ADGB: variants seen among roughly 807,000 people sequenced by gnomAD.
The protein encoded by ADGB is calpain-7-like protein.
Under a neutral mutation model 210.5 loss-of-function variants are expected in ADGB, and 172 were observed. The ratio of observed to expected loss-of-function variants is 0.82; its 90% CI spans 0.72 to 0.93. The LOEUF is 0.93. ADGB is among the 40% of genes least tolerant of loss of function. The probability of loss-of-function intolerance (pLI) is 0.00; values close to 1 mark genes in which losing one functional copy is unlikely to be tolerated. For synonymous variants in ADGB, 658 were observed against 662.7 expected (o/e 0.99, Z 0.11); for missense variants, 2,025 against 1,964.8 (o/e 1.03, Z -0.58).
chr6:146,748,173 A>T (rs1235735384), intron 26 of ADGB, among the ~76,000 whole-genome samples: 1 of 152,172 alleles, frequency 6.6e-6, no homozygotes, highest in Non-Finnish European at 1.5e-5. Context: ...TATGGAAAAA[A>T]AAACTTCACT....
intron 33 of ADGB, among the ~76,000 whole-genome samples, chr6:146,799,795 T>C (rs1778098714): frequency 6.6e-6 from 1 of 151,824 alleles, no homozygotes; most frequent in South Asian, 2.1e-4. Context: ...CGTAAAACTG[T>C]TTCTTTTGTT....
intron 35 of ADGB, chr6:146,803,243 G>T (rs1413328410): frequency 3.8e-6 from 6 of 1,574,306 alleles, no homozygotes; most frequent in Non-Finnish European, 2.6e-6. Flanking sequence ...ACAAAACTTG[G>T]ACCATTGTTT....
At chr6:146,707,182 C>G (rs1294558595) in intron 13 of ADGB, among the ~76,000 whole-genome samples, 1 of 151,914 alleles carries the variant, frequency 6.6e-6, no homozygotes, top group African/African-American at 2.4e-5. Context: ...AGACTCATTC[C>G]ATTGTGGTTA....
intron 33 of ADGB, 29 bp downstream of exon 33, chr6:146,788,639 A>T (rs752688788): frequency 6.5e-7 from 1 of 1,528,714 alleles, no homozygotes. Context: ...GGTAACATAA[A>T]CATGTATTTT....
intron 13 of ADGB, among the ~76,000 whole-genome samples, chr6:146,704,326 T>C (rs1776537033): frequency 6.6e-6 from 1 of 151,944 alleles, no homozygotes; most frequent in African/African-American, 2.4e-5. Context: ...ATTCCTTCTG[T>C]CTGTTTGCAA....
chr6:146,627,650 C>T (rs1780996829), intron 1 of ADGB, among the ~76,000 whole-genome samples: 1 of 152,004 alleles, frequency 6.6e-6, no homozygotes, highest in African/African-American at 2.4e-5. Context: ...TACTTTTTTT[C>T]CCCGGCTTTG....
At chr6:146,705,225 T>A (rs1435543290) in intron 13 of ADGB, among the ~76,000 whole-genome samples, 1 of 152,106 alleles carries the variant, frequency 6.6e-6, no homozygotes, top group African/African-American at 2.4e-5. Flanking sequence ...GATTGTATTA[T>A]CTGAAAAGAG....
At chr6:146,727,883 T>A (rs1459835096) in intron 19 of ADGB, among the ~76,000 whole-genome samples, 1 of 152,236 alleles carries the variant, frequency 6.6e-6, no homozygotes, top group Non-Finnish European at 1.5e-5. Flanking sequence ...AAGGCATCTG[T>A]GCTTCAGGTG....
At chr6:146,632,460 C>G (rs1344345785) in intron 1 of ADGB, among the ~76,000 whole-genome samples, 1 of 152,144 alleles carries the variant, frequency 6.6e-6, no homozygotes, top group Non-Finnish European at 1.5e-5. Flanking sequence ...TACAAGCTCC[C>G]TTTTTCAATG....
chr6:146,630,678 T>C (rs915633709), intron 1 of ADGB, among the ~76,000 whole-genome samples: 1 of 152,192 alleles, frequency 6.6e-6, no homozygotes, highest in Non-Finnish European at 1.5e-5. Flanking sequence ...AATCTTTTGT[T>C]TCAATATATA....
intron 33 of ADGB, among the ~76,000 whole-genome samples, chr6:146,792,231 A>G (rs1777964821): frequency 6.6e-6 from 1 of 152,136 alleles, no homozygotes; most frequent in African/African-American, 2.4e-5. Flanking sequence ...TACAAATTTT[A>G]GGAATCTTTT....
At position 146,788,422 on chromosome 6, in the gene ADGB, A is replaced by G. The variant is rs377051162; in HGVS notation, c.4349A>G (p.Asn1450Ser). 710 of 1,551,392 alleles carry G rather than the reference A, an allele frequency of 4.6e-4. No individual in the cohort carries two copies. The highest frequency in any genetic ancestry group is 5.5e-4 in the Non-Finnish European group (627 of 1,146,914). ...ETAARGVKEP[N>S]SKNSAGSESK... ...GCTGCACGTGGCGTAAAAGAACCAA[A>G]CTCAAAGAATTCTGCAGGTTCAGAG... Residue 1450 changes from asparagine (N) to serine (S), a missense_variant, in exon 33 of 36, where the codon AAC (asparagine) becomes AGC (serine). Physicochemically the swap from Asn to Ser is conservative, Grantham distance 46. Transcript: ENST00000397944.
chr6:146,651,869 T>G (rs1161037382), intron 3 of ADGB, among the ~76,000 whole-genome samples: 1 of 152,186 alleles, frequency 6.6e-6, no homozygotes, highest in Non-Finnish European at 1.5e-5. Flanking sequence ...AAAAAAAGTT[T>G]CAAAATGCAT....
chr6:146,799,058 C>CAAAAAAAAAAAAAAAAA (rs71552962), intron 33 of ADGB, among the ~76,000 whole-genome samples: 1 of 63,532 alleles, frequency 1.6e-5, no homozygotes, highest in African/African-American at 6.6e-5. Flanking sequence ...TATGGAAATG[C>CAAAAAAAAAAAAAAAAA]AAAAAAAAAA....
chr6:146,695,475 G>A (rs987923266), intron 12 of ADGB, among the ~76,000 whole-genome samples: 2 of 151,984 alleles, frequency 1.3e-5, no homozygotes, highest in Non-Finnish European at 2.9e-5. Context: ...TAGGTATTAA[G>A]TAAATATTAA....
intron 1 of ADGB, among the ~76,000 whole-genome samples, chr6:146,604,585 A>T (rs1780606522): frequency 6.6e-6 from 1 of 152,120 alleles, no homozygotes; most frequent in Non-Finnish European, 1.5e-5. Context: ...AAAAAGATCA[A>T]CTTCAGTGAA....
intron 1 of ADGB, among the ~76,000 whole-genome samples, chr6:146,610,797 G>A (rs1161022233): frequency 3.9e-5 from 6 of 152,150 alleles, no homozygotes; most frequent in Admixed American, 3.3e-4. Context: ...TCATTGTGGT[G>A]GTGTCACAGT....
chr6:146,684,956 C>T lies in ADGB; in HGVS notation c.1217-778C>T, dbSNP rs984755206. ...TTCATATCTCCATTCTAGACATATACTGGGCTGACAACTAATTTATGTTCT... is the reference window on the plus strand; with the variant it reads ...TTCATATCTCCATTCTAGACATATATTGGGCTGACAACTAATTTATGTTCT... On this transcript the variant is annotated intron_variant, in intron 9 of 35. Transcript: ENST00000397944. Among the ~76,000 whole-genome samples, 13 of 152,128 alleles carry T rather than the reference C, an allele frequency of 8.5e-5. No individual in the cohort carries two copies. The South Asian group carries it at 1.7e-3, about 19-fold the overall frequency.
At chr6:146,734,538 TTAAG>T (rs530559175) in intron 22 of ADGB, among the ~76,000 whole-genome samples, 186 of 152,356 alleles carry the variant, frequency 1.2e-3, no homozygotes, top group African/African-American at 4.4e-3. Context: ...AAAATGCATG[TTAAG>T]TGTGTTCTTA....
Sources: gnomAD v4.1 joint callset for allele counts (sites outside exome capture counted in the v4.1 genomes callset) on GRCh38, gnomAD v4.1.1 for gene constraint, MANE v1.5 for transcripts, NCBI Gene and HGNC (gene_info 2026-07-23, HGNC 2026-07-21) for gene names.